Variants in GABRG3 observed in about 807,000 individuals in gnomAD.
The protein encoded by GABRG3 is gamma-aminobutyric acid receptor subunit gamma-3.
Under a neutral mutation model 48.8 loss-of-function variants are expected in GABRG3, and 25 were observed. That is an observed-to-expected ratio of 0.51 (90% CI 0.37 to 0.72). The LOEUF (loss-of-function observed/expected upper bound fraction) is 0.72. GABRG3 is among the 30% of genes least tolerant of loss of function. The pLI is 0.00. For synonymous variants in GABRG3, 227 were observed against 217.6 expected (o/e 1.04, Z -0.38); for missense variants, 394 against 577.9 (o/e 0.68, Z 3.26).
At chr15:27,133,164 T>C (rs527372997) in intron 3 of GABRG3, among the ~76,000 whole-genome samples, 13 of 152,304 alleles carry the variant, frequency 8.5e-5, no homozygotes, top group East Asian at 5.8e-4. Flanking sequence ...GAGATTTTTT[T>C]CCCTAAACTA....
intron 3 of GABRG3, among the ~76,000 whole-genome samples, chr15:27,073,837 T>A (rs1341330835): frequency 6.6e-6 from 1 of 152,188 alleles, no homozygotes; most frequent in Non-Finnish European, 1.5e-5. Context: ...TGAGGAAGGA[T>A]CACTGCCAAG....
intron 3 of GABRG3, among the ~76,000 whole-genome samples, chr15:27,104,007 C>T (rs1897406379): frequency 6.6e-6 from 1 of 152,210 alleles, no homozygotes; most frequent in Non-Finnish European, 1.5e-5. Context: ...AAGGCTGGCT[C>T]AGCCAGAACC....
chr15:27,112,831 G>A (rs918614265), intron 3 of GABRG3, among the ~76,000 whole-genome samples: 6 of 152,138 alleles, frequency 3.9e-5, no homozygotes, highest in African/African-American at 1.4e-4. Context: ...CCTTATGAGC[G>A]ATTAACTTGC....
At chr15:27,332,939 T>G (rs1011287857) in intron 5 of GABRG3, among the ~76,000 whole-genome samples, 1 of 152,214 alleles carries the variant, frequency 6.6e-6, no homozygotes, top group Non-Finnish European at 1.5e-5. Flanking sequence ...CTATAGCACT[T>G]TCTGTAGTCA....
chr15:27,235,035 C>A (rs1043764369), intron 3 of GABRG3, among the ~76,000 whole-genome samples: 2 of 152,130 alleles, frequency 1.3e-5, no homozygotes, highest in African/African-American at 4.8e-5. Context: ...CTGTTTTGAT[C>A]CCCTTTCTAC....
At chr15:27,109,468 CCT>C in intron 3 of GABRG3, among the ~76,000 whole-genome samples, 2 of 152,322 alleles carry the variant, frequency 1.3e-5, no homozygotes, top group East Asian at 3.9e-4. Context: ...CCTCCGATCC[CCT>C]GTGTTCTACC....
chr15:27,343,643 T>C (rs1894266140), intron 5 of GABRG3, among the ~76,000 whole-genome samples: 1 of 152,228 alleles, frequency 6.6e-6, no homozygotes, highest in Admixed American at 6.5e-5. Context: ...CATGTAATGC[T>C]TCATTTTGGG....
intron 6 of GABRG3, among the ~76,000 whole-genome samples, chr15:27,497,725 A>G (rs1003678266): frequency 6.6e-6 from 1 of 152,152 alleles, no homozygotes; most frequent in Admixed American, 6.5e-5. Context: ...GTTTCATATG[A>G]GTGTTTCCTA....
At chr15:27,022,150 T>C (rs1418429296) in intron 2 of GABRG3, among the ~76,000 whole-genome samples, 1 of 152,096 alleles carries the variant, frequency 6.6e-6, no homozygotes, top group Non-Finnish European at 1.5e-5. Context: ...TTCTTCCCCC[T>C]CTCCTCAATT....
chr15:27,328,674 C>T (rs905920097), intron 4 of GABRG3, 132 bp from the exon 5 acceptor site: 2 of 675,308 alleles, frequency 3.0e-6, no homozygotes, highest in Non-Finnish European at 5.3e-6. Context: ...GGTTCCCGGG[C>T]CAAGAGTGAG....
At chr15:27,451,974 T>G (rs955587209) in intron 5 of GABRG3, among the ~76,000 whole-genome samples, 2 of 152,234 alleles carry the variant, frequency 1.3e-5, no homozygotes, top group African/African-American at 4.8e-5. Flanking sequence ...GGTGATCTGC[T>G]GGTTATCTGA....
chr15:27,486,085 T>C (rs991422193), intron 6 of GABRG3, among the ~76,000 whole-genome samples: 2 of 152,112 alleles, frequency 1.3e-5, no homozygotes, highest in African/African-American at 4.8e-5. Flanking sequence ...GGACTGGAAA[T>C]GTGAAGGCTG....
intron 3 of GABRG3, among the ~76,000 whole-genome samples, chr15:27,204,728 A>T (rs1888798526): frequency 6.6e-6 from 1 of 152,000 alleles, no homozygotes. Context: ...CCAGTGTTTT[A>T]TAATTCTCAT....
In GABRG3 at chr15:27,058,709, A is replaced by G. The variant is rs76467165; in HGVS notation, c.270+31888A>G. Among the ~76,000 whole-genome samples, 1,669 of 152,120 alleles carry G rather than the reference A, an allele frequency of 0.011. 102 individuals are homozygous for G. In the East Asian group the frequency reaches 0.17, roughly 15 times the overall value. On this transcript the variant is annotated intron_variant, in intron 3 of 9. Coordinates refer to ENST00000615808, the MANE Select transcript of GABRG3 (RefSeq NM_033223.5). ...AACAATTAGAGATTAGAGATTTGCT[A>G]TGACTTTACCTATACAGTGCTTAAG...
chr15:27,522,757 C>T lies in GABRG3; in HGVS notation c.865+2633C>T, dbSNP rs949393945. ...TAAAAGGGTAAATTCAACAGAAAGA[C>T]AAAACATTCATAAATGTGCCTGTGC... On this transcript the variant is annotated intron_variant, in intron 7 of 9. Coordinates refer to ENST00000615808, the MANE Select transcript of GABRG3 (RefSeq NM_033223.5). Among the ~76,000 whole-genome samples, 6 of 151,674 alleles carry T rather than the reference C, an allele frequency of 4.0e-5. No homozygotes were observed. The East Asian group carries it at 1.2e-3, about 29-fold the overall frequency.
chr15:27,006,693 C>G (rs974279210), intron 2 of GABRG3, among the ~76,000 whole-genome samples: 1 of 152,068 alleles, frequency 6.6e-6, no homozygotes, highest in Non-Finnish European at 1.5e-5. Context: ...GTCTGTTGTT[C>G]CTTTCTATTT....
intron 3 of GABRG3, among the ~76,000 whole-genome samples, chr15:27,166,774 G>A (rs1446841908): frequency 6.6e-6 from 1 of 152,164 alleles, no homozygotes; most frequent in Admixed American, 6.5e-5. Context: ...TTTACCCAGT[G>A]CAGCAAAGAA....
chr15:27,078,053 G>A (rs1003386665), intron 3 of GABRG3, among the ~76,000 whole-genome samples: 13 of 152,194 alleles, frequency 8.5e-5, no homozygotes, highest in African/African-American at 2.4e-4. Context: ...CTTTCCTTGT[G>A]TGATGATCAG....
chr15:27,052,054 C>A (rs1732462293), intron 3 of GABRG3, among the ~76,000 whole-genome samples: 1 of 152,222 alleles, frequency 6.6e-6, no homozygotes, highest in African/African-American at 2.4e-5. Flanking sequence ...TGAAGCTTCT[C>A]TTGCTCGCCC....
Sources: allele counts gnomAD v4.1 joint callset (sites outside exome capture counted in the v4.1 genomes callset), GRCh38; gene constraint gnomAD v4.1.1; transcripts MANE v1.5; gene names NCBI Gene and HGNC (gene_info 2026-07-23, HGNC 2026-07-21).